SIPA1L2: variants seen among roughly 807,000 people sequenced by gnomAD.
SIPA1L2 encodes the protein signal-induced proliferation-associated 1-like protein 2.
A neutral mutation model predicts 163.9 loss-of-function variants in SIPA1L2; 56 were observed. The ratio of observed to expected loss-of-function variants is 0.34; its 90% CI spans 0.28 to 0.43. The LOEUF is 0.43. Ranked by LOEUF, SIPA1L2 falls within the 20% of genes least tolerant of loss-of-function variation. The pLI is 1.00. For synonymous variants in SIPA1L2, 877 were observed against 865.7 expected (o/e 1.01, Z -0.23); for missense variants, 1,974 against 2,193.5 (o/e 0.90, Z 2.00).
At chr1:232,485,688 T>C (rs1168521639) in intron 5 of SIPA1L2, among the ~76,000 whole-genome samples, 1 of 152,184 alleles carries the variant, frequency 6.6e-6, no homozygotes, top group Admixed American at 6.5e-5. Context: ...TCTGTGATTG[T>C]TGGAATCTAT....
At position 232,437,810 on chromosome 1, in the gene SIPA1L2, C is replaced by A. The variant is rs541124872; in HGVS notation, c.4031+1298G>T. ...TTCTTCTGCAGAAACTAGAAAAAAA[C>A]CACTTTCTACCCGGGGACAGACGAG... is the stretch of plus-strand genomic sequence containing the variant. On this transcript the variant is annotated intron_variant, in intron 15 of 22. Coordinates refer to ENST00000674635, the MANE Select transcript of SIPA1L2 (RefSeq NM_020808.5). 4.8e-4 allele frequency among the ~76,000 whole-genome samples: 73 copies of A among 152,240 alleles called. No homozygotes were observed. In the Middle Eastern group the frequency reaches 0.014, roughly 28 times the overall value.
chr1:232,572,219 G>A (rs963798388), intron 2 of SIPA1L2, among the ~76,000 whole-genome samples: 1 of 152,146 alleles, frequency 6.6e-6, no homozygotes, highest in African/African-American at 2.4e-5. Context: ...GTGTCCCTTA[G>A]CTGGCCAGCA....
chr1:232,553,162 CTGGAGAGGAGGTAGAG>C (rs1658497205), intron 2 of SIPA1L2, among the ~76,000 whole-genome samples: 1 of 152,132 alleles, frequency 6.6e-6, no homozygotes, highest in Non-Finnish European at 1.5e-5. Context: ...GGATGAGGAG[CTGGAGAGGAGGTAGAG>C]TGGGAGGATC....
rs1661274893 is a variant in SIPA1L2 at position 232,416,519 on chromosome 1, C to CT, written c.4631-895dup. On this transcript the variant is annotated intron_variant, in intron 18 of 22. Transcript: ENST00000674635. ...CATTTTCTTCAGGGGAGACCTTCCT[C>CT]TTTTTAAAAGTGTTGCAGGGTTTAC... 2.6e-5 allele frequency among the ~76,000 whole-genome samples: 4 copies of CT among 152,290 alleles called. No homozygotes were observed. The South Asian group carries it at 8.3e-4, about 32-fold the overall frequency.
At position 232,479,694 on chromosome 1, in the gene SIPA1L2, T is replaced by A; in HGVS notation, c.2018A>T (p.Tyr673Phe). 3 of 1,613,732 alleles carry A rather than the reference T, an allele frequency of 1.9e-6. No individual in the cohort carries two copies. Among genetic ancestry groups the A allele is most frequent in the Non-Finnish European group, 1.7e-6 (2 of 1,179,748 alleles). The change falls in exon 7 of 23, where the codon TAC (tyrosine) becomes TTC (phenylalanine). Residue 673 changes from tyrosine to phenylalanine, a missense_variant. Tyr to Phe is a conservative substitution (Grantham distance 22, BLOSUM62 3). Around this residue, in one of 3 missense-constraint regions of SIPA1L2, gnomAD observed 288 missense variants for 418.9 expected, o/e 0.69. Coordinates refer to ENST00000674635, the MANE Select transcript of SIPA1L2 (RefSeq NM_020808.5). ...GTGGAACATGAGTTCGTAGTCTTTG[T>A]ATGTGGTATAGAGAGAGTGCGTGCC... ...STGTHSLYTT[Y>F]KDYELMFHVS...
intron 2 of SIPA1L2, among the ~76,000 whole-genome samples, chr1:232,562,465 T>C (rs1036020611): frequency 6.6e-6 from 1 of 152,200 alleles, no homozygotes; most frequent in African/African-American, 2.4e-5. Flanking sequence ...TATTAGAGCA[T>C]TTTAATGGAA....
At position 232,437,747 on chromosome 1, in the gene SIPA1L2, G is replaced by A. The variant is rs1459499832; in HGVS notation, c.4031+1361C>T. On this transcript the variant is annotated intron_variant, in intron 15 of 22. Coordinates refer to ENST00000674635, the MANE Select transcript of SIPA1L2 (RefSeq NM_020808.5). Reference sequence around the variant, plus strand: ...ATGTGAGGAGATACGGGGGTGGTGTGGGGGCAGGGGTTGGCTTTGGAGAGG... The same window carrying A: ...ATGTGAGGAGATACGGGGGTGGTGTAGGGGCAGGGGTTGGCTTTGGAGAGG... Among the ~76,000 whole-genome samples the A allele has an allele frequency of 3.3e-5, 5 of 152,272 alleles. No homozygotes were observed. The East Asian group carries it at 7.7e-4, about 24-fold the overall frequency.
chr1:232,413,498 TAC>T (rs1024799495), intron 19 of SIPA1L2, among the ~76,000 whole-genome samples: 3 of 152,158 alleles, frequency 2.0e-5, no homozygotes, highest in African/African-American at 7.2e-5. Context: ...CAAGGGTAGA[TAC>T]AGAGATAAGG....
At chr1:232,495,671 T>C (rs1464920836) in intron 3 of SIPA1L2, among the ~76,000 whole-genome samples, 1 of 152,162 alleles carries the variant, frequency 6.6e-6, no homozygotes, top group East Asian at 1.9e-4. Context: ...ATAAATCCCT[T>C]ATGCTGCATA....
intron 12 of SIPA1L2, 123 bp downstream of exon 12, chr1:232,443,479 T>C: frequency 1.6e-6 from 1 of 631,360 alleles, no homozygotes; most frequent in Non-Finnish European, 2.5e-6. Flanking sequence ...GTTAAAAGCA[T>C]GTCTGGCATT....
intron 1 of SIPA1L2, among the ~76,000 whole-genome samples, chr1:232,575,379 G>A (rs576584520): frequency 5.3e-5 from 8 of 152,206 alleles, no homozygotes; most frequent in East Asian, 1.9e-4. Flanking sequence ...GTCACCTACC[G>A]GGAAGGCTAT....
chr1:232,422,051 C>T (rs1453327989), intron 18 of SIPA1L2, among the ~76,000 whole-genome samples: 1 of 152,182 alleles, frequency 6.6e-6, no homozygotes, highest in Non-Finnish European at 1.5e-5. Flanking sequence ...AATATGACTG[C>T]TTTTCAGTGT....
intron 1 of SIPA1L2, among the ~76,000 whole-genome samples, chr1:232,625,996 T>C (rs1260975781): frequency 6.6e-6 from 1 of 152,162 alleles, no homozygotes; most frequent in African/African-American, 2.4e-5. Flanking sequence ...GGGATAGATA[T>C]AAATCCACGA....
chr1:232,480,049 C>T (rs74144352), intron 6 of SIPA1L2, among the ~76,000 whole-genome samples: 248 of 152,156 alleles, frequency 1.6e-3, no homozygotes, highest in African/African-American at 5.7e-3. Context: ...CCACCAAGTG[C>T]ACAGGTGAGC....
At chr1:232,569,987 TAAAGCTG>T (rs1040020105) in intron 2 of SIPA1L2, among the ~76,000 whole-genome samples, 85 of 152,114 alleles carry the variant, frequency 5.6e-4, no homozygotes, top group African/African-American at 1.5e-3. Flanking sequence ...AGGCGGAAGG[TAAAGCTG>T]AAAGCAGAGA....
At chr1:232,455,178 C>T (rs1663821726) in intron 10 of SIPA1L2, among the ~76,000 whole-genome samples, 1 of 152,216 alleles carries the variant, frequency 6.6e-6, no homozygotes, top group Non-Finnish European at 1.5e-5. Context: ...TACCTTTGTT[C>T]TGTATTGTTT....
intron 1 of SIPA1L2, among the ~76,000 whole-genome samples, chr1:232,576,495 C>T (rs1054236977): frequency 2.6e-5 from 4 of 152,202 alleles, no homozygotes; most frequent in Non-Finnish European, 5.9e-5. Context: ...ATTTCTCTCT[C>T]TCTCCTCAGA....
At chr1:232,572,586 A>G (rs963385742) in intron 2 of SIPA1L2, among the ~76,000 whole-genome samples, 3 of 151,610 alleles carry the variant, frequency 2.0e-5, no homozygotes, top group South Asian at 2.1e-4. Flanking sequence ...CTCACAATTT[A>G]TAAGAAACTC....
At chr1:232,443,060 G>A (rs182832634) in intron 12 of SIPA1L2, among the ~76,000 whole-genome samples, 1 of 152,214 alleles carries the variant, frequency 6.6e-6, no homozygotes, top group African/African-American at 2.4e-5. Flanking sequence ...CACTCCTCAG[G>A]AGCGCACCCT....
Sources: gnomAD v4.1 joint callset for allele counts (sites outside exome capture counted in the v4.1 genomes callset) on GRCh38, gnomAD v4.1.1 for gene constraint, gnomAD v4.1.1 regional missense constraint, MANE v1.5 for transcripts, NCBI Gene and HGNC (gene_info 2026-07-23, HGNC 2026-07-21) for gene names.